The following SEM1 variants were observed in gnomAD, a reference collection of about 807,000 sequenced individuals.
SEM1 encodes the protein SEM1 26S proteasome subunit.
A neutral mutation model predicts 12.7 loss-of-function variants in SEM1; 3 were observed. That is an observed-to-expected ratio of 0.24 (90% CI 0.11 to 0.61). The LOEUF is 0.61. Among genes scored for constraint, SEM1 ranks in the 20% least tolerant of loss-of-function variants. The probability of loss-of-function intolerance (pLI) is 0.88; values close to 1 mark genes in which losing one functional copy is unlikely to be tolerated. For missense variants in SEM1, 59 were observed against 81.3 expected (o/e 0.73, Z 1.06); for synonymous variants, 30 against 27.8 (o/e 1.08, Z -0.25).
intron 2 of SEM1, among the ~76,000 whole-genome samples, chr7:96,614,704 G>A (rs1170459370): frequency 6.6e-6 from 1 of 152,224 alleles, no homozygotes. Flanking sequence ...TCTATTGTCT[G>A]TCTTCATCTC....
At chr7:96,669,202 T>C (rs1326366409), downstream of SEM1, among the ~76,000 whole-genome samples, 6 of 152,108 alleles carry the variant, frequency 3.9e-5, no homozygotes, top group African/African-American at 7.2e-5. Flanking sequence ...AAATTGAGAG[T>C]GCTGAACTCC....
intron 2 of SEM1, among the ~76,000 whole-genome samples, chr7:96,646,905 G>GTCAA (rs1261729845): frequency 2.0e-5 from 3 of 152,090 alleles, no homozygotes; most frequent in African/African-American, 4.8e-5. Context: ...AATTGCCTAG[G>GTCAA]TCAATCCTCC....
chr7:96,650,969 G>A (rs1808960783), intron 2 of SEM1, among the ~76,000 whole-genome samples: 1 of 152,060 alleles, frequency 6.6e-6, no homozygotes, highest in Admixed American at 6.6e-5. Flanking sequence ...TGGGTTACTA[G>A]GACTAAGAGG....
At chr7:96,486,548 G>A in intron 1 of SEM1, 1 of 711,098 alleles carries the variant, frequency 1.4e-6, no homozygotes, top group East Asian at 2.7e-5. Context: ...AGTGAGGTGG[G>A]GAAACCAAAA....
intron 1 of SEM1, among the ~76,000 whole-genome samples, chr7:96,495,442 G>A (rs1803202686): frequency 6.6e-6 from 1 of 152,112 alleles, no homozygotes. Context: ...CATTAACAAT[G>A]TATTTTGAGG....
intron 2 of SEM1, among the ~76,000 whole-genome samples, chr7:96,565,884 CATGT>C (rs1805829927): frequency 6.6e-6 from 1 of 151,766 alleles, no homozygotes; most frequent in South Asian, 2.1e-4. Context: ...CAAGATAGCT[CATGT>C]ACACATTATC....
upstream of SEM1, chr7:96,496,397 T>A (rs899609215): frequency 1.2e-6 from 1 of 814,062 alleles, no homozygotes; most frequent in Non-Finnish European, 1.9e-6. Flanking sequence ...AAAGCCAAAC[T>A]TCACAAATGC....
At chr7:96,584,245 A>G (rs938975875) in intron 2 of SEM1, among the ~76,000 whole-genome samples, 10 of 152,164 alleles carry the variant, frequency 6.6e-5, no homozygotes, top group African/African-American at 9.7e-5. Context: ...TTGGCTGGAT[A>G]TGAAATTCTG....
intron 2 of SEM1, among the ~76,000 whole-genome samples, chr7:96,553,666 T>C (rs1354977875): frequency 6.6e-6 from 1 of 152,184 alleles, no homozygotes; most frequent in Non-Finnish European, 1.5e-5. Context: ...TAGGATTGAC[T>C]TGGTGATGCA....
At chr7:96,598,059 A>G (rs373218793) in intron 2 of SEM1, among the ~76,000 whole-genome samples, 67 of 152,244 alleles carry the variant, frequency 4.4e-4, no homozygotes, top group African/African-American at 1.5e-3. Flanking sequence ...TTTTGAATGA[A>G]TTATAATTTA....
chr7:96,670,017 A>C (rs1336912473), downstream of SEM1, among the ~76,000 whole-genome samples: 1 of 152,186 alleles, frequency 6.6e-6, no homozygotes, highest in Non-Finnish European at 1.5e-5. Context: ...AGGCAACATG[A>C]CTAGTACATA....
chr7:96,535,620 C>T (rs998474497), intron 2 of SEM1, among the ~76,000 whole-genome samples: 4 of 151,870 alleles, frequency 2.6e-5, no homozygotes, highest in African/African-American at 9.7e-5. Context: ...TCTCCTCTCC[C>T]CTTCCTTCCT....
intron 2 of SEM1, among the ~76,000 whole-genome samples, chr7:96,591,812 A>AG (rs1554421515): frequency 1.5e-5 from 1 of 64,746 alleles, no homozygotes; most frequent in African/African-American, 4.7e-5. Flanking sequence ...CAGGCAATGG[A>AG]GTTTTTTTTT....
intron 2 of SEM1, among the ~76,000 whole-genome samples, chr7:96,568,988 G>T (rs1168003122): frequency 6.6e-6 from 1 of 152,024 alleles, no homozygotes; most frequent in East Asian, 1.9e-4. Context: ...TATTGTGAAT[G>T]TGCAGACCTA....
At chr7:96,582,003 A>C (rs1185928081) in intron 2 of SEM1, among the ~76,000 whole-genome samples, 1 of 147,156 alleles carries the variant, frequency 6.8e-6, no homozygotes, top group Non-Finnish European at 1.5e-5. Context: ...AACTTCCAAC[A>C]CTATGTTGAA....
intron 2 of SEM1, chr7:96,647,362 T>G (rs1014568567): frequency 7.2e-5 from 11 of 152,226 alleles, no homozygotes; most frequent in Admixed American, 2.0e-4. Flanking sequence ...TTAGCTATAA[T>G]TATTATTCTT....
At chr7:96,504,332 A>G (rs1391641982) in intron 3 of SEM1, among the ~76,000 whole-genome samples, 1 of 152,158 alleles carries the variant, frequency 6.6e-6, no homozygotes, top group Non-Finnish European at 1.5e-5. Context: ...CTCCTAAGCA[A>G]AGCTTGGTGT....
intron 2 of SEM1, among the ~76,000 whole-genome samples, chr7:96,605,758 CT>C: frequency 6.6e-6 from 1 of 152,180 alleles, no homozygotes; most frequent in African/African-American, 2.4e-5. Context: ...CGTGCTTTCA[CT>C]TTTTGCAGTT....
At chr7:96,607,119 A>G (rs1160676186) in intron 2 of SEM1, among the ~76,000 whole-genome samples, 1 of 152,166 alleles carries the variant, frequency 6.6e-6, no homozygotes, top group Non-Finnish European at 1.5e-5. Flanking sequence ...TTAAGTACCT[A>G]TTATGTGCCA....
Sources: allele counts gnomAD v4.1 joint callset (sites outside exome capture counted in the v4.1 genomes callset), GRCh38; gene constraint gnomAD v4.1.1; transcripts MANE v1.5; gene names NCBI Gene and HGNC (gene_info 2026-07-23, HGNC 2026-07-21).